Variants in ABHD13 observed in about 807,000 individuals in gnomAD.
ABHD13 encodes the protein abhydrolase domain containing 13.
ABHD13 carries 7 observed loss-of-function variants against 25.2 expected under a neutral mutation model. The ratio of observed to expected loss-of-function variants is 0.28; its 90% CI spans 0.16 to 0.52. The LOEUF (loss-of-function observed/expected upper bound fraction) is 0.52. ABHD13 is among the 20% of genes least tolerant of loss of function. The pLI is 0.96. For synonymous variants in ABHD13, 133 were observed against 136.1 expected, an observed-to-expected ratio of 0.98 and a Z score of 0.16; for missense variants, 302 against 402.7, an observed-to-expected ratio of 0.75 and a Z score of 2.14.
Position 108,218,548 on chromosome 13 carries a change from C to G in ABHD13, c.-132C>G, listed in dbSNP as rs760087788. On this transcript the variant is annotated 5_prime_UTR_variant, in exon 1 of 2. Transcript: ENST00000375898. ...CTAGACCGTGGCGCCGGCAGCGGCC[C>G]CTGGGCTGGAGGAGGATGATGAGGA... is the stretch of plus-strand genomic sequence containing the variant. 3 of 152,072 alleles carry G rather than the reference C, an allele frequency of 2.0e-5. No homozygotes were observed. Among genetic ancestry groups the G allele is most frequent in the Admixed American group, 1.3e-4 (2 of 15,278 alleles). 9.4% of individuals were successfully genotyped at this position (152,072 alleles called of 1,614,324 possible). A position where few individuals can be genotyped will look rare whatever the true frequency, so the allele number is the denominator to read the frequency against.
Position 108,229,857 on chromosome 13 carries a change from T to A in ABHD13, c.639T>A (p.Ile213=). Residue 213 remains isoleucine (I), a synonymous_variant, in exon 2 of 2, where the codon ATT becomes ATA. Transcript: ENST00000375898. The surrounding 1 kb of genome is among the most constrained non-coding windows in gnomAD (Gnocchi z 4.7). ...ASENSHRISA[I]MVENTFLSIP... ...AAAATTCACATAGGATTTCAGCCAT[T>A]ATGGTGGAGAACACATTTTTAAGCA... The A allele has an allele frequency of 6.2e-7, 1 of 1,613,442 alleles. No homozygotes were observed. The highest frequency in any genetic ancestry group is 8.5e-7 in the Non-Finnish European group (1 of 1,179,478).
intron 1 of ABHD13, among the ~76,000 whole-genome samples, chr13:108,224,168 T>G (rs945723836): frequency 3.9e-5 from 6 of 152,250 alleles, no homozygotes; most frequent in African/African-American, 1.4e-4. Context: ...CTTTCTTTGA[T>G]TTTTCTTTGT....
rs1361933179 is a variant in ABHD13 at position 108,233,703 on chromosome 13, A to C, written c.*3471A>C. 1 of 161,858 alleles carries C rather than the reference A, an allele frequency of 6.2e-6. No individual in the cohort carries two copies. Among genetic ancestry groups the C allele is most frequent in the Admixed American group, 6.8e-5 (1 of 14,790 alleles). The allele number at this position is 161,858 out of a possible 1,614,324, so 10.0% of individuals were successfully genotyped here. A position where few individuals can be genotyped will look rare whatever the true frequency, so the allele number is the denominator to read the frequency against. ...TGTACTTCTGTTTATTCTTAATACT[A>C]TATATATATATACACACATAGTTTT... is the stretch of plus-strand genomic sequence containing the variant. On this transcript the variant is annotated 3_prime_UTR_variant, in exon 2 of 2. Coordinates refer to ENST00000375898, the MANE Select transcript of ABHD13 (RefSeq NM_032859.3).
At chr13:108,228,682 T>C (rs1450995282) in intron 1 of ABHD13, among the ~76,000 whole-genome samples, 2 of 151,784 alleles carry the variant, frequency 1.3e-5, no homozygotes, top group Non-Finnish European at 2.9e-5. Context: ...TGACAAAGTA[T>C]ATTAGATTGG....
Position 108,229,543 on chromosome 13 carries a change from G to A in ABHD13, c.325G>A (p.Asp109Asn). 6.2e-7 allele frequency: 1 copy of A among 1,613,338 alleles called. No individual in the cohort carries two copies. The highest frequency in any genetic ancestry group is 1.1e-5 in the South Asian group (1 of 91,058). The change falls in exon 2 of 2, where the codon GAC becomes AAC. Residue 109 changes from aspartate to asparagine, a missense_variant. Transcript: ENST00000375898. The surrounding 1 kb of genome is among the most constrained non-coding windows in gnomAD (Gnocchi z 4.7). The part of the protein sequence containing the change: ...LNLILIRYTG[D>N]NSPYSPTIIY... ...TCTTATTTTGATACGATACACTGGA[G>A]ACAATTCACCCTATTCCCCAACTAT...
At chr13:108,221,300 G>C (rs371960650) in intron 1 of ABHD13, among the ~76,000 whole-genome samples, 6 of 152,234 alleles carry the variant, frequency 3.9e-5, no homozygotes, top group Admixed American at 2.0e-4. Flanking sequence ...CCAACACCTT[G>C]ATAGCAGCTA....
rs1402588453 is a variant in ABHD13, at chr13:108,233,683, TTC to T, written c.*3453_*3454del. 1 of 166,532 alleles carries T rather than the reference TTC, an allele frequency of 6.0e-6. No individual in the cohort carries two copies. The highest frequency in any genetic ancestry group is 1.9e-4 in the East Asian group (1 of 5,172). 10.3% of individuals were successfully genotyped at this position (166,532 alleles called of 1,614,324 possible). On this transcript the variant is annotated 3_prime_UTR_variant, in exon 2 of 2. Transcript: ENST00000375898. ...TGATAGGGTAGAAAATGAAATGTAC[TTC>T]TGTTTATTCTTAATACTATATATAT...
intron 1 of ABHD13, among the ~76,000 whole-genome samples, chr13:108,228,750 G>A (rs370866267): frequency 4.0e-5 from 6 of 151,620 alleles, no homozygotes; most frequent in African/African-American, 1.5e-4. Context: ...CTGGACATAC[G>A]TAACCTAACA....
chr13:108,232,027 TAAA>T lies in ABHD13; in HGVS notation c.*1798_*1800del, dbSNP rs1879815836. 6.0e-6 allele frequency: 1 copy of T among 166,626 alleles called. No individual in the cohort carries two copies. Among genetic ancestry groups the T allele is most frequent in the Non-Finnish European group, 1.5e-5 (1 of 67,970 alleles). The allele number at this position is 166,626 out of a possible 1,614,324, so 10.3% of individuals were successfully genotyped here. On this transcript the variant is annotated 3_prime_UTR_variant, in exon 2 of 2. Coordinates refer to ENST00000375898, the MANE Select transcript of ABHD13 (RefSeq NM_032859.3). ...ATGACTATTCTAAATATTAATGTAT[TAAA>T]AAGAAAATACAACAAAATGTATATT... is the stretch of plus-strand genomic sequence containing the variant.
chr13:108,223,510 T>G (rs138931958), intron 1 of ABHD13, among the ~76,000 whole-genome samples: 20 of 152,334 alleles, frequency 1.3e-4, no homozygotes, highest in Middle Eastern at 3.4e-3. Flanking sequence ...TTTTACTGCT[T>G]CTTCTTTGAC....
At position 108,219,043 on chromosome 13, in the gene ABHD13, G is replaced by A. The variant is rs575181997; in HGVS notation, c.-21+384G>A. Among the ~76,000 whole-genome samples, 3 of 152,142 alleles carry A rather than the reference G, an allele frequency of 2.0e-5. No individual in the cohort carries two copies. The South Asian group carries it at 6.2e-4, about 32-fold the overall frequency. On this transcript the variant is annotated intron_variant, in intron 1 of 1. Coordinates refer to ENST00000375898, the MANE Select transcript of ABHD13 (RefSeq NM_032859.3). ...ATGTCAATTGTATTTCCAGTAATGT[G>A]TACAAACCTAAGATCCCTAAAATCC... is the stretch of plus-strand genomic sequence containing the variant.
intron 1 of ABHD13, among the ~76,000 whole-genome samples, chr13:108,221,838 T>C (rs1879574470): frequency 6.6e-6 from 1 of 151,416 alleles, no homozygotes; most frequent in Non-Finnish European, 1.5e-5. Flanking sequence ...CAAAACAATG[T>C]ACACTTTTTT....
intron 1 of ABHD13, among the ~76,000 whole-genome samples, chr13:108,221,758 T>C (rs1450370015): frequency 6.6e-6 from 1 of 152,194 alleles, no homozygotes; most frequent in East Asian, 1.9e-4. Context: ...TCACTATGGG[T>C]AATGCACTTT....
chr13:108,220,540 T>A (rs560337018), intron 1 of ABHD13, among the ~76,000 whole-genome samples: 1 of 152,356 alleles, frequency 6.6e-6, no homozygotes, highest in South Asian at 2.1e-4. Flanking sequence ...TAGCCTTTTT[T>A]CGTGTGGACT....
At chr13:108,224,643 C>T (rs374501595) in intron 1 of ABHD13, among the ~76,000 whole-genome samples, 1 of 152,144 alleles carries the variant, frequency 6.6e-6, no homozygotes, top group African/African-American at 2.4e-5. Context: ...ATCCAGCTAA[C>T]ACTGTTAGCC....
rs551684343 is a variant in ABHD13, at chr13:108,226,845, T to C, written c.-20-2354T>C. Among the ~76,000 whole-genome samples the C allele has an allele frequency of 3.3e-5, 5 of 152,238 alleles. No individual in the cohort carries two copies. In the East Asian group the frequency reaches 9.6e-4, roughly 29 times the overall value. On this transcript the variant is annotated intron_variant, in intron 1 of 1. Transcript: ENST00000375898. Reference sequence around the variant, plus strand: ...TTTAAGATCACCTTTGAGATGGAAATATATATCATACAGACTAGGGAACAG... The same window carrying C: ...TTTAAGATCACCTTTGAGATGGAAACATATATCATACAGACTAGGGAACAG...
chr13:108,220,668 T>C (rs1879548493), intron 1 of ABHD13, among the ~76,000 whole-genome samples: 1 of 152,248 alleles, frequency 6.6e-6, no homozygotes, highest in Non-Finnish European at 1.5e-5. Flanking sequence ...AACAGTATAT[T>C]CTGCTGAAAT....
intron 1 of ABHD13, among the ~76,000 whole-genome samples, chr13:108,228,663 G>GA (rs933228654): frequency 4.6e-5 from 7 of 151,074 alleles, no homozygotes; most frequent in African/African-American, 1.7e-4. Flanking sequence ...TACCGTATGT[G>GA]AAAAAAATTG....
rs1594492903 is a variant in ABHD13 at position 108,230,094 on chromosome 13, T to G, written c.876T>G (p.Ile292Met). The G allele has an allele frequency of 1.9e-6, 3 of 1,613,188 alleles. No individual in the cohort carries two copies. Among genetic ancestry groups the G allele is most frequent in the Non-Finnish European group, 1.7e-6 (2 of 1,179,350 alleles). ...CATCTCGGACTAAGAGATTAGCCAT[T>G]TTTCCAGATGGGACTCACAATGACA... ...LSPSRTKRLAIFPDGTHNDTW... is the reference protein window; with the variant it reads ...LSPSRTKRLAMFPDGTHNDTW... The change falls in exon 2 of 2, where the codon ATT (isoleucine) becomes ATG (methionine). Residue 292 changes from isoleucine to methionine, a missense_variant. By Grantham distance (10) the Ile-to-Met change is conservative. Transcript: ENST00000375898.
Sources: gnomAD v4.1 joint callset for allele counts (sites outside exome capture counted in the v4.1 genomes callset) on GRCh38, gnomAD v4.1.1 for gene constraint, Gnocchi (gnomAD v3.1) non-coding constraint, MANE v1.5 for transcripts, NCBI Gene and HGNC (gene_info 2026-07-23, HGNC 2026-07-21) for gene names.